Variants in FBLN1 observed in about 807,000 individuals in gnomAD.
FBLN1 encodes the protein fibulin-1.
A neutral mutation model predicts 89.7 loss-of-function variants in FBLN1; 34 were observed. That is an observed-to-expected ratio of 0.38 (90% CI 0.29 to 0.50). The LOEUF is 0.50. Among genes scored for constraint, FBLN1 ranks in the 20% least tolerant of loss-of-function variants. The pLI is 0.92. For synonymous variants in FBLN1, 393 were observed against 391.3 expected, an observed-to-expected ratio of 1.00 and a Z score of -0.05; for missense variants, 777 against 988.1, an observed-to-expected ratio of 0.79 and a Z score of 2.86.
At chr22:45,593,962 A>G (rs2089161320) in intron 16 of FBLN1, among the ~76,000 whole-genome samples, 1 of 152,166 alleles carries the variant, frequency 6.6e-6, no homozygotes, top group South Asian at 2.1e-4. Context: ...CGTCCCCTGC[A>G]ATGAGCAGGT....
At position 45,577,243 on chromosome 22, in the gene FBLN1, G is replaced by A. The variant is rs1182980567; in HGVS notation, c.1972+135G>A. 60 of 999,272 alleles carry A rather than the reference G, an allele frequency of 6.0e-5. No individual in the cohort carries two copies. In the East Asian group the frequency reaches 1.4e-3, roughly 23 times the overall value. 61.9% of individuals were successfully genotyped at this position (999,272 alleles called of 1,614,324 possible). ...CACCCAACCTTCAGGGCCCAGCGCC[G>A]AGGCCACCACAGCTCCCAATCGGTC... On this transcript the variant is annotated intron_variant, in intron 16 of 16. Coordinates refer to ENST00000327858, the MANE Select transcript of FBLN1 (RefSeq NM_006486.3). This position sits in a 1 kb window ranked among gnomAD's most constrained non-coding sequence, Gnocchi z 6.6.
In FBLN1 at chr22:45,530,920, C is replaced by A. The variant is rs991725849; in HGVS notation, c.485-345C>A. Among the ~76,000 whole-genome samples the A allele has an allele frequency of 6.6e-6, 1 of 152,116 alleles. No homozygotes were observed. The highest frequency in any genetic ancestry group is 6.6e-5 in the Admixed American group (1 of 15,266). On this transcript the variant is annotated intron_variant, in intron 4 of 16. Transcript: ENST00000327858. This position sits in a 1 kb window ranked among gnomAD's most constrained non-coding sequence, Gnocchi z 5.4. ...CTGAGATTACAGGTGCATGCCGCTA[C>A]ACCTGGCTAATTTTTGTATTTTTAG...
intron 14 of FBLN1, chr22:45,565,280 G>A (rs2147016210): frequency 7.6e-7 from 1 of 1,319,306 alleles, no homozygotes; most frequent in African/African-American, 1.5e-5. Flanking sequence ...TAGCCTCCTT[G>A]GAATGGCATG....
At chr22:45,506,215 G>A (rs1414932140) in intron 1 of FBLN1, among the ~76,000 whole-genome samples, 5 of 152,228 alleles carry the variant, frequency 3.3e-5, no homozygotes, top group South Asian at 2.1e-4. Context: ...CGGGAAGAGC[G>A]CAATTCTGCC....
At chr22:45,513,176 A>G (rs1013463803) in intron 1 of FBLN1, among the ~76,000 whole-genome samples, 2 of 152,212 alleles carry the variant, frequency 1.3e-5, no homozygotes, top group African/African-American at 4.8e-5. Context: ...TCAACGGGCA[A>G]AGCATCGATT....
Position 45,525,609 on chromosome 22 carries a change from G to C in FBLN1, c.252G>C (p.Leu84=), listed in dbSNP as rs1428139450. The change falls in exon 3 of 17, where the codon CTG becomes CTC. Residue 84 remains leucine (L), a synonymous_variant. Transcript: ENST00000327858. ...TGCACTGTGCCACGGGCATCAGCCT[G>C]GCCAACGAGCAGGACCGCTGTGCCA... is the stretch of plus-strand genomic sequence containing the variant. ...EELHCATGIS[L]ANEQDRCATP... The C allele has an allele frequency of 1.3e-6, 2 of 1,550,792 alleles. No individual in the cohort carries two copies. The highest frequency in any genetic ancestry group is 2.7e-5 in the African/African-American group (2 of 73,056).
intron 16 of FBLN1, among the ~76,000 whole-genome samples, chr22:45,598,837 G>A (rs148667399): frequency 2.1e-4 from 32 of 152,364 alleles, no homozygotes; most frequent in African/African-American, 7.0e-4. Flanking sequence ...CATCTGAATC[G>A]TGCAGTGCAG....
chr22:45,509,628 T>C (rs1422640687), intron 1 of FBLN1, among the ~76,000 whole-genome samples: 1 of 152,118 alleles, frequency 6.6e-6, no homozygotes. Context: ...CCAGACAACA[T>C]AGTAAAACTC....
intron 4 of FBLN1, among the ~76,000 whole-genome samples, chr22:45,529,896 G>T (rs966411083): frequency 6.6e-6 from 1 of 151,936 alleles, no homozygotes; most frequent in Non-Finnish European, 1.5e-5. Flanking sequence ...ATAAAGAGGT[G>T]GGGAGGTGCC....
intron 2 of FBLN1, among the ~76,000 whole-genome samples, chr22:45,523,434 GGCTC>G (rs1390797324): frequency 2.0e-5 from 3 of 152,220 alleles, no homozygotes; most frequent in African/African-American, 7.2e-5. Context: ...CGGGCGCAGT[GGCTC>G]ACGCCTATAA....
In FBLN1 at chr22:45,531,760, G is replaced by T. The variant is rs998780374; in HGVS notation, c.544+436G>T. Among the ~76,000 whole-genome samples, 5 of 152,162 alleles carry T rather than the reference G, an allele frequency of 3.3e-5. No individual in the cohort carries two copies. Among genetic ancestry groups the T allele is most frequent in the Non-Finnish European group, 5.9e-5 (4 of 68,026 alleles). Reference sequence around the variant, plus strand: ...GTGGGCTTACCAAGGAGGGGCCCTGGTGAGGCCCTGCTGGGGAGGGTGGCC... The same window carrying T: ...GTGGGCTTACCAAGGAGGGGCCCTGTTGAGGCCCTGCTGGGGAGGGTGGCC... On this transcript the variant is annotated intron_variant, in intron 5 of 16. Transcript: ENST00000327858. The surrounding 1 kb of genome is among the most constrained non-coding windows in gnomAD (Gnocchi z 4.9).
chr22:45,529,668 C>A (rs1250444721), intron 4 of FBLN1, among the ~76,000 whole-genome samples: 1 of 152,106 alleles, frequency 6.6e-6, no homozygotes, highest in Non-Finnish European at 1.5e-5. Context: ...GAGTTCGAGA[C>A]TAGCCTGGCC....
Position 45,536,326 on chromosome 22 carries a change from A to G in FBLN1, c.922+989A>G, listed in dbSNP as rs1021157374. On this transcript the variant is annotated intron_variant, in intron 8 of 16. Transcript: ENST00000327858. The surrounding 1 kb of genome is among the most constrained non-coding windows in gnomAD (Gnocchi z 5.1). ...CGCAGAGTTTCAGTTTGAGAAGATG[A>G]AAAAGTTCTGGAGATGGATGGGGGT... Among the ~76,000 whole-genome samples the G allele has an allele frequency of 1.1e-4, 17 of 152,276 alleles. No homozygotes were observed. In the East Asian group the frequency reaches 3.1e-3, roughly 28 times the overall value.
At chr22:45,570,393 GA>G (rs2088943340) in intron 14 of FBLN1, among the ~76,000 whole-genome samples, 1 of 146,940 alleles carries the variant, frequency 6.8e-6, no homozygotes, top group Non-Finnish European at 1.5e-5. Context: ...AGAAAGAAAG[GA>G]AAATAGAAAA....
chr22:45,507,388 CCT>C (rs1191597763), intron 1 of FBLN1, among the ~76,000 whole-genome samples: 1 of 152,220 alleles, frequency 6.6e-6, no homozygotes, highest in Non-Finnish European at 1.5e-5. Flanking sequence ...AAACTCTCTG[CCT>C]CTGTTTCCTT....
chr22:45,589,722 TGCCCTCTCATC>T (rs2089119893), intron 16 of FBLN1, among the ~76,000 whole-genome samples: 1 of 152,124 alleles, frequency 6.6e-6, no homozygotes, highest in South Asian at 2.1e-4. Context: ...ATGACTGGCC[TGCCCTCTCATC>T]AGCCTCTCCC....
Position 45,502,936 on chromosome 22 carries a change from C to G in FBLN1, c.-50C>G, listed in dbSNP as rs918933749. On this transcript the variant is annotated 5_prime_UTR_variant, in exon 1 of 17. Coordinates refer to ENST00000327858, the MANE Select transcript of FBLN1 (RefSeq NM_006486.3). ...GGAGCCCGCGCCGCTGCCCCAGGAC[C>G]GCGCCCGCGCCTTTGTCCGCCGCCG... 1 of 867,580 alleles carries G rather than the reference C, an allele frequency of 1.2e-6. No individual in the cohort carries two copies. The highest frequency in any genetic ancestry group is 1.4e-6 in the Non-Finnish European group (1 of 707,652). 53.7% of individuals were successfully genotyped at this position (867,580 alleles called of 1,614,324 possible). A position where few individuals can be genotyped will look rare whatever the true frequency, so the allele number is the denominator to read the frequency against.
At chr22:45,508,611 G>A (rs918753233) in intron 1 of FBLN1, among the ~76,000 whole-genome samples, 1 of 152,144 alleles carries the variant, frequency 6.6e-6, no homozygotes, top group Non-Finnish European at 1.5e-5. Context: ...GTTCAGGGGG[G>A]GATGCCTGTT....
intron 8 of FBLN1, among the ~76,000 whole-genome samples, chr22:45,540,603 G>A (rs2088542627): frequency 1.3e-5 from 2 of 152,218 alleles, no homozygotes; most frequent in East Asian, 3.8e-4. Context: ...AGTGCAATCT[G>A]TGTATTCTTC....
Sources: gnomAD v4.1 joint callset for allele counts (sites outside exome capture counted in the v4.1 genomes callset) on GRCh38, gnomAD v4.1.1 for gene constraint, Gnocchi (gnomAD v3.1) non-coding constraint, MANE v1.5 for transcripts, NCBI Gene and HGNC (gene_info 2026-07-23, HGNC 2026-07-21) for gene names.